Variants in MRO observed in about 807,000 individuals in gnomAD.
MRO encodes the protein protein maestro.
In MRO, 28 loss-of-function variants were observed where a neutral mutation model predicts 31.0. The ratio of observed to expected loss-of-function variants is 0.90; its 90% CI spans 0.67 to 1.24. The LOEUF is 1.24. Among genes scored for constraint, MRO ranks in the 50% most tolerant of loss-of-function variants. MRO has a pLI of 0.00. For synonymous variants in MRO, 108 were observed against 108.4 expected (o/e 1.00, Z 0.02); for missense variants, 332 against 289.2 (o/e 1.15, Z -1.07).
intron 2 of MRO, among the ~76,000 whole-genome samples, chr18:50,810,294 T>C (rs149993735): frequency 1.3e-5 from 2 of 152,356 alleles, no homozygotes; most frequent in Admixed American, 6.5e-5. Context: ...TATACAACTT[T>C]ACAACGACTG....
intron 5 of MRO, among the ~76,000 whole-genome samples, chr18:50,804,437 G>A (rs908216565): frequency 1.3e-5 from 2 of 152,110 alleles, no homozygotes; most frequent in South Asian, 4.1e-4. Context: ...ACTAGCCTGG[G>A]CAATATAGTG....
chr18:50,810,206 CAA>C (rs1914355341), intron 2 of MRO, among the ~76,000 whole-genome samples: 1 of 152,204 alleles, frequency 6.6e-6, no homozygotes, highest in Admixed American at 6.5e-5. Flanking sequence ...CTCAGCCTCC[CAA>C]AGTGTTGGGA....
intron 3 of MRO, among the ~76,000 whole-genome samples, 158 bp downstream of exon 3, chr18:50,809,144 C>A (rs11661873): frequency 0.018 from 1,733 of 98,788 alleles, 91 homozygotes; most frequent in Non-Finnish European, 0.025. Flanking sequence ...GACTCCGTCT[C>A]AAAAAAAAAA....
chr18:50,810,377 T>C (rs1035871551), intron 2 of MRO, among the ~76,000 whole-genome samples: 1 of 152,190 alleles, frequency 6.6e-6, no homozygotes, highest in Non-Finnish European at 1.5e-5. Context: ...TACTGTTGAG[T>C]GAAAAGTGCA....
At chr18:50,820,436 G>A (rs147793986), upstream of MRO, among the ~76,000 whole-genome samples, 1,770 of 152,232 alleles carry the variant, frequency 0.012, 17 homozygotes, top group Non-Finnish European at 0.017. Flanking sequence ...CTCCAAACAC[G>A]TGCATAAATC....
chr18:50,804,297 A>C (rs1022593205), intron 5 of MRO, among the ~76,000 whole-genome samples: 7 of 152,220 alleles, frequency 4.6e-5, no homozygotes, highest in Non-Finnish European at 8.8e-5. Flanking sequence ...ATCAGTGTAC[A>C]TCATCATCAG....
At chr18:50,802,482 AAC>A (rs895818169) in intron 5 of MRO, among the ~76,000 whole-genome samples, 1 of 152,096 alleles carries the variant, frequency 6.6e-6, no homozygotes, top group Non-Finnish European at 1.5e-5. Flanking sequence ...TAGTAACCTA[AAC>A]ACCTGACTCA....
Position 50,801,596 on chromosome 18 carries a change from A to G in MRO, c.430-92T>C, listed in dbSNP as rs139198149. The G allele has an allele frequency of 5.0e-6, 6 of 1,205,540 alleles. No individual in the cohort carries two copies. The East Asian group carries it at 1.4e-4, about 28-fold the overall frequency. The allele number at this position is 1,205,540 out of a possible 1,614,324, so 74.7% of individuals were successfully genotyped here. ...ACATCACAGCCATCGGTCAGAACACATCACAGCCGTCAATCAGAACACATC... is the reference window on the plus strand; with the variant it reads ...ACATCACAGCCATCGGTCAGAACACGTCACAGCCGTCAATCAGAACACATC... On this transcript the variant is annotated intron_variant, in intron 5 of 7. Transcript: ENST00000398439.
Position 50,819,689 on chromosome 18 carries a change from C to A in MRO, c.-113G>T. 9.7e-6 allele frequency: 15 copies of A among 1,550,818 alleles called. No homozygotes were observed. Among genetic ancestry groups the A allele is most frequent in the Non-Finnish European group, 1.3e-5 (15 of 1,146,424 alleles). On this transcript the variant is annotated 5_prime_UTR_variant, in exon 2 of 8. Coordinates refer to ENST00000398439, the MANE Select transcript of MRO (RefSeq NM_031939.6). Reference sequence around the variant, plus strand: ...AATGTGATGACTCGGCTAAATTTTCCCAGCCCTGAATTCCTAACATACAAG... The same window carrying A: ...AATGTGATGACTCGGCTAAATTTTCACAGCCCTGAATTCCTAACATACAAG...
At chr18:50,815,360 A>G (rs1049632258) in intron 2 of MRO, 1 of 261,006 alleles carries the variant, frequency 3.8e-6, no homozygotes, top group African/African-American at 2.3e-5. Context: ...AAAGGAGGCT[A>G]TGGTGGTGAA....
At chr18:50,816,728 A>G (rs1011338731) in intron 2 of MRO, among the ~76,000 whole-genome samples, 1 of 152,208 alleles carries the variant, frequency 6.6e-6, no homozygotes, top group African/African-American at 2.4e-5. Context: ...TAGCATATTT[A>G]TGAATTTAAT....
chr18:50,796,689 G>A lies in MRO; in HGVS notation c.*2648C>T, dbSNP rs1912822244. 3 of 152,230 alleles carry A rather than the reference G, an allele frequency of 2.0e-5. No individual in the cohort carries two copies. The South Asian group carries it at 6.2e-4, about 31-fold the overall frequency. The allele number at this position is 152,230 out of a possible 1,614,324, so 9.4% of individuals were successfully genotyped here. ...GGGGTATAGGAGAACAAGACATGTT[G>A]AGAGAAGAGAAAGGACCCAAACTTG... On this transcript the variant is annotated 3_prime_UTR_variant, in exon 8 of 8. Transcript: ENST00000398439.
At chr18:50,820,437 T>G (rs1046548661), upstream of MRO, among the ~76,000 whole-genome samples, 11 of 152,200 alleles carry the variant, frequency 7.2e-5, no homozygotes, top group Non-Finnish European at 1.5e-4. Context: ...TCCAAACACG[T>G]GCATAAATCT....
chr18:50,809,144 C>CAAAAAAAAAAAAAAAAAAAAAAAAAAAA (rs61728184), intron 3 of MRO, among the ~76,000 whole-genome samples, 158 bp downstream of exon 3: 1 of 99,098 alleles, frequency 1.0e-5, no homozygotes, highest in Non-Finnish European at 1.9e-5. Context: ...GACTCCGTCT[C>CAAAAAAAAAAAAAAAAAAAAAAAAAAAA]AAAAAAAAAA....
At chr18:50,815,208 A>G (rs930796501) in intron 2 of MRO, 2 of 198,444 alleles carry the variant, frequency 1.0e-5, no homozygotes, top group African/African-American at 4.6e-5. Flanking sequence ...ATAATTGTGA[A>G]GTAAAAAGTG....
intron 2 of MRO, among the ~76,000 whole-genome samples, chr18:50,810,068 C>T (rs1914334382): frequency 6.6e-6 from 1 of 152,198 alleles, no homozygotes; most frequent in East Asian, 1.9e-4. Flanking sequence ...CAGGCTTAAG[C>T]AGTCCCCCTG....
rs953350550 is a variant in MRO at position 50,798,829 on chromosome 18, C to T, written c.*508G>A. On this transcript the variant is annotated 3_prime_UTR_variant, in exon 8 of 8. Coordinates refer to ENST00000398439, the MANE Select transcript of MRO (RefSeq NM_031939.6). Reference sequence around the variant, plus strand: ...AGCCAAAGATGCCCCTGCAAGCCACCTTCTTGGTATCTTGGCCAACTTTAA... The same window carrying T: ...AGCCAAAGATGCCCCTGCAAGCCACTTTCTTGGTATCTTGGCCAACTTTAA... The T allele has an allele frequency of 6.6e-6, 1 of 151,930 alleles. No homozygotes were observed. The highest frequency in any genetic ancestry group is 2.1e-4 in the South Asian group (1 of 4,824). 9.4% of individuals were successfully genotyped at this position (151,930 alleles called of 1,614,324 possible).
intron 4 of MRO, 44 bp downstream of exon 4, chr18:50,806,660 G>A (rs761325324): frequency 1.9e-6 from 3 of 1,611,796 alleles, no homozygotes; most frequent in Non-Finnish European, 2.5e-6. Flanking sequence ...CAAGGTGGTT[G>A]GAGAGGCTTG....
intron 3 of MRO, among the ~76,000 whole-genome samples, chr18:50,807,236 C>A (rs142329629): frequency 1.8e-3 from 268 of 152,202 alleles, no homozygotes; most frequent in Middle Eastern, 0.017. Flanking sequence ...TCCCTTTACC[C>A]CTTCTTCTCC....
Sources: gnomAD v4.1 joint callset for allele counts (sites outside exome capture counted in the v4.1 genomes callset) on GRCh38, gnomAD v4.1.1 for gene constraint, MANE v1.5 for transcripts, NCBI Gene and HGNC (gene_info 2026-07-23, HGNC 2026-07-21) for gene names.